CNTNAP2: variants seen among roughly 807,000 people sequenced by gnomAD.
CNTNAP2 encodes contactin-associated protein-like 2.
A neutral mutation model predicts 155.2 loss-of-function variants in CNTNAP2; 98 were observed. The ratio of observed to expected loss-of-function variants is 0.63; its 90% confidence interval spans 0.54 to 0.75. The LOEUF (loss-of-function observed/expected upper bound fraction) is 0.75. Among genes scored for constraint, CNTNAP2 ranks in the 30% least tolerant of loss-of-function variants. The probability of loss-of-function intolerance (pLI) is 0.00; values close to 1 mark genes in which losing one functional copy is unlikely to be tolerated. For missense variants in CNTNAP2, 1,727 were observed against 1,688.1 expected (o/e 1.02, Z -0.40); for synonymous variants, 651 against 631.2 (o/e 1.03, Z -0.47).
intron 14 of CNTNAP2, among the ~76,000 whole-genome samples, chr7:147,960,340 G>A (rs150323226): frequency 5.5e-4 from 84 of 152,228 alleles, no homozygotes; most frequent in African/African-American, 1.9e-3. Context: ...GCTTTATGCC[G>A]TCACTGGCAA....
At chr7:146,620,004 G>A (rs905586955) in intron 1 of CNTNAP2, among the ~76,000 whole-genome samples, 17 of 152,102 alleles carry the variant, frequency 1.1e-4, no homozygotes, top group African/African-American at 4.1e-4. Context: ...AGAGTAACTA[G>A]TATTTCAAAA....
intron 21 of CNTNAP2, among the ~76,000 whole-genome samples, chr7:148,372,778 C>A (rs1324975698): frequency 1.3e-5 from 2 of 152,152 alleles, no homozygotes; most frequent in Non-Finnish European, 2.9e-5. Flanking sequence ...TTATAGACTT[C>A]TTAATGTTTT....
At chr7:147,648,136 TA>T (rs1235054848) in intron 13 of CNTNAP2, among the ~76,000 whole-genome samples, 1 of 152,190 alleles carries the variant, frequency 6.6e-6, no homozygotes, top group Non-Finnish European at 1.5e-5. Flanking sequence ...AAATGTTTGA[TA>T]TTTTTAGGGA....
At chr7:147,934,918 C>G (rs1263964891) in intron 14 of CNTNAP2, among the ~76,000 whole-genome samples, 1 of 152,126 alleles carries the variant, frequency 6.6e-6, no homozygotes, top group African/African-American at 2.4e-5. Context: ...AGTTTATTTG[C>G]CAACTCTTAG....
chr7:146,813,628 A>G (rs13438183), intron 2 of CNTNAP2, among the ~76,000 whole-genome samples: 6,771 of 152,126 alleles, frequency 0.045, 496 homozygotes, highest in African/African-American at 0.15. Context: ...TTAGACTTGG[A>G]CTTTTGGGTT....
At chr7:147,241,488 C>T (rs977724498) in intron 8 of CNTNAP2, among the ~76,000 whole-genome samples, 2 of 151,814 alleles carry the variant, frequency 1.3e-5, no homozygotes, top group Admixed American at 1.3e-4. Flanking sequence ...ATTACCTGGG[C>T]GTGGTTGCAT....
intron 11 of CNTNAP2, 115 bp downstream of exon 11, chr7:147,486,156 G>A: frequency 2.1e-4 from 147 of 701,912 alleles, no homozygotes; most frequent in South Asian, 6.1e-4. Context: ...ACTCGAATCT[G>A]AAAAACCAAG....
chr7:147,161,100 AGAG>A (rs1802015370), intron 8 of CNTNAP2, among the ~76,000 whole-genome samples: 1 of 152,170 alleles, frequency 6.6e-6, no homozygotes, highest in Non-Finnish European at 1.5e-5. Flanking sequence ...AAGCAAGTAA[AGAG>A]GAGATAATGA....
chr7:147,864,487 G>T (rs200920155), intron 13 of CNTNAP2, among the ~76,000 whole-genome samples: 2 of 149,882 alleles, frequency 1.3e-5, no homozygotes, highest in African/African-American at 4.9e-5. Context: ...AGCTTGATGG[G>T]GATGGCATTG....
At chr7:146,724,462 AAAG>A (rs1177421707) in intron 1 of CNTNAP2, among the ~76,000 whole-genome samples, 1 of 152,100 alleles carries the variant, frequency 6.6e-6, no homozygotes, top group African/African-American at 2.4e-5. Context: ...ATCTTTGAAA[AAAG>A]ATGGGTCTTG....
At chr7:146,948,793 C>A (rs1046661598) in intron 3 of CNTNAP2, among the ~76,000 whole-genome samples, 1 of 152,094 alleles carries the variant, frequency 6.6e-6, no homozygotes, top group Non-Finnish European at 1.5e-5. Context: ...GTGTACATGA[C>A]AAAGCTTTTT....
chr7:146,532,243 C>A (rs527546626), intron 1 of CNTNAP2, among the ~76,000 whole-genome samples: 1 of 152,030 alleles, frequency 6.6e-6, no homozygotes, highest in African/African-American at 2.4e-5. Flanking sequence ...TTGCATGGTT[C>A]TTCAGAATTT....
chr7:147,300,275 A>C lies in CNTNAP2; in HGVS notation c.1483A>C (p.Lys495Gln), dbSNP rs1163946721. 1.2e-6 allele frequency: 2 copies of C among 1,613,876 alleles called. No individual in the cohort carries two copies. The highest frequency in any genetic ancestry group is 3.3e-5 in the Admixed American group (2 of 59,996). Reference sequence around the variant, plus strand: ...TCCCCTTCAAGTTAAAACTGGCGAGAAGTACTTTTTTGGAGGTAAGAATGC... The same window carrying C: ...TCCCCTTCAAGTTAAAACTGGCGAGCAGTACTTTTTTGGAGGTAAGAATGC... ...NSPLQVKTGE[K>Q]YFFGGFLNQM... The change falls in exon 9 of 24, where the codon AAG (lysine) becomes CAG (glutamine). Residue 495 changes from lysine (K) to glutamine (Q), a missense_variant. Transcript: ENST00000361727.
chr7:147,638,977 C>A, intron 12 of CNTNAP2, 129 bp from the exon 13 acceptor site: 1 of 928,138 alleles, frequency 1.1e-6, no homozygotes, highest in Non-Finnish European at 1.8e-6. Flanking sequence ...TTAAGGATTG[C>A]TCTCCTTAAC....
chr7:146,468,140 A>T (rs561000931), intron 1 of CNTNAP2, among the ~76,000 whole-genome samples: 2 of 152,324 alleles, frequency 1.3e-5, no homozygotes, highest in South Asian at 4.1e-4. Context: ...TAAAAAGTAC[A>T]TCAAAATTAT....
intron 1 of CNTNAP2, among the ~76,000 whole-genome samples, chr7:146,366,500 A>G (rs1398484450): frequency 6.6e-6 from 1 of 152,174 alleles, no homozygotes; most frequent in African/African-American, 2.4e-5. Flanking sequence ...ATCATAAGAA[A>G]TAAACCTACA....
At chr7:147,284,084 A>G (rs1411328203) in intron 8 of CNTNAP2, among the ~76,000 whole-genome samples, 1 of 151,754 alleles carries the variant, frequency 6.6e-6, no homozygotes, top group Admixed American at 6.6e-5. Flanking sequence ...GTCATCCAGA[A>G]CGGCAAGTAC....
chr7:146,987,693 G>T lies in CNTNAP2; in HGVS notation c.403-56214G>T, dbSNP rs116890456. Among the ~76,000 whole-genome samples, 1,102 of 152,120 alleles carry T rather than the reference G, an allele frequency of 7.2e-3. 7 individuals carry two copies. The highest frequency in any genetic ancestry group is 0.023 in the South Asian group (111 of 4,818). On this transcript the variant is annotated intron_variant, in intron 3 of 23. Transcript: ENST00000361727. Reference sequence around the variant, plus strand: ...TAAGTTGAAGCATTTTGTGTATTTTGTGTACTACCAATGCCTAAATAACTA... The same window carrying T: ...TAAGTTGAAGCATTTTGTGTATTTTTTGTACTACCAATGCCTAAATAACTA...
At chr7:146,799,166 A>G (rs774889914) in intron 2 of CNTNAP2, among the ~76,000 whole-genome samples, 2 of 152,150 alleles carry the variant, frequency 1.3e-5, no homozygotes, top group Non-Finnish European at 2.9e-5. Flanking sequence ...TTTTAGATCA[A>G]TTTCTTTGAG....
Sources: gnomAD v4.1 joint callset for allele counts (sites outside exome capture counted in the v4.1 genomes callset) on GRCh38, gnomAD v4.1.1 for gene constraint, MANE v1.5 for transcripts, NCBI Gene and HGNC (gene_info 2026-07-23, HGNC 2026-07-21) for gene names.